DSG3: variants seen among roughly 807,000 people sequenced by gnomAD.
DSG3 encodes desmoglein 3.
In DSG3, 63 loss-of-function variants were observed where a neutral mutation model predicts 85.9. That is an observed-to-expected ratio of 0.73 (90% CI 0.60 to 0.90). The LOEUF is 0.90. Among genes scored for constraint, DSG3 ranks in the 40% least tolerant of loss-of-function variants. DSG3 has a pLI of 0.00. For missense variants in DSG3, 1,220 were observed against 1,219.9 expected (o/e 1.00, Z 0.00); for synonymous variants, 447 against 441.9 (o/e 1.01, Z -0.14).
intron 1 of DSG3, among the ~76,000 whole-genome samples, chr18:31,454,873 C>T (rs1032477483): frequency 6.6e-6 from 1 of 151,872 alleles, no homozygotes; most frequent in Admixed American, 6.6e-5. Context: ...GTGCCCATGC[C>T]TGTAATCCCT....
intron 15 of DSG3, among the ~76,000 whole-genome samples, chr18:31,475,205 C>T (rs1473688905): frequency 6.6e-5 from 10 of 152,156 alleles, no homozygotes; most frequent in Admixed American, 6.5e-4. Flanking sequence ...GGCAGAGAGG[C>T]ACGGTTAGAA....
chr18:31,461,324 T>C lies in DSG3; in HGVS notation c.911T>C (p.Val304Ala), dbSNP rs1409888260. The C allele has an allele frequency of 6.2e-7, 1 of 1,613,610 alleles. No individual in the cohort carries two copies. Among genetic ancestry groups the C allele is most frequent in the East Asian group, 2.2e-5 (1 of 44,792 alleles). The change falls in exon 8 of 16, where the codon GTA becomes GCA. Residue 304 changes from valine to alanine, a missense_variant. Coordinates refer to ENST00000257189, the MANE Select transcript of DSG3 (RefSeq NM_001944.3). ...GAGTACACAGATAATTGGCTTGCAGTATATTTCTTTACCTCTGGGAATGAA... is the reference window on the plus strand; with the variant it reads ...GAGTACACAGATAATTGGCTTGCAGCATATTTCTTTACCTCTGGGAATGAA... ...DEEYTDNWLA[V>A]YFFTSGNEGN...
In DSG3 at chr18:31,478,426, G is replaced by C. The variant is rs778187487; in HGVS notation, c.*2166G>C. ...AATTTTGCTGCATTGTTAAACTGTA[G>C]TGGAAACCATGCTATAGTAATAAAG... is the stretch of plus-strand genomic sequence containing the variant. On this transcript the variant is annotated 3_prime_UTR_variant, in exon 16 of 16. Coordinates refer to ENST00000257189, the MANE Select transcript of DSG3 (RefSeq NM_001944.3). 1 of 152,136 alleles carries C rather than the reference G, an allele frequency of 6.6e-6. No individual in the cohort carries two copies. The highest frequency in any genetic ancestry group is 2.1e-4 in the South Asian group (1 of 4,830). The allele number at this position is 152,136 out of a possible 1,614,324, so 9.4% of individuals were successfully genotyped here.
At chr18:31,458,097 T>C (rs72925129) in intron 3 of DSG3, among the ~76,000 whole-genome samples, 10,563 of 152,240 alleles carry the variant, frequency 0.069, 817 homozygotes, top group African/African-American at 0.2. Flanking sequence ...TAAATATCTT[T>C]TGTTTTTTAA....
chr18:31,467,882 A>G (rs1336687641), intron 11 of DSG3, among the ~76,000 whole-genome samples: 1 of 152,228 alleles, frequency 6.6e-6, no homozygotes, highest in Admixed American at 6.5e-5. Flanking sequence ...CACTTCTGAC[A>G]TAAAGATCTA....
In DSG3 at chr18:31,472,745, G is replaced by C. The variant is rs1480323021; in HGVS notation, c.2058G>C (p.Val686=). 1 of 1,613,954 alleles carries C rather than the reference G, an allele frequency of 6.2e-7. No individual in the cohort carries two copies. The highest frequency in any genetic ancestry group is 8.5e-7 in the Non-Finnish European group (1 of 1,179,938). The change falls in exon 14 of 16, where the codon GTG becomes GTC. Residue 686 remains valine (V), a synonymous_variant. Transcript: ENST00000257189. ...TGCAGGAAATCACAAATATTTGTGT[G>C]CCTCCTGTAACAGCCAATGGAGCCG... ...PEDKEITNIC[V]PPVTANGADF...
chr18:31,466,684 C>T lies in DSG3; in HGVS notation c.1566C>T (p.Gly522=), dbSNP rs764333153. ...GAACACTGAATAATAGATACACTGG[C>T]CCCTATACATTTGCACTGGAAGATC... ...SARTLNNRYT[G]PYTFALEDQP... Residue 522 remains glycine (G), a synonymous_variant, in exon 11 of 16, where the codon GGC becomes GGT. Transcript: ENST00000257189. 6.2e-7 allele frequency: 1 copy of T among 1,614,194 alleles called. No homozygotes were observed. Among genetic ancestry groups the T allele is most frequent in the Non-Finnish European group, 8.5e-7 (1 of 1,180,034 alleles).
chr18:31,456,431 T>C lies in DSG3; in HGVS notation c.49-9T>C. 1 of 1,352,902 alleles carries C rather than the reference T, an allele frequency of 7.4e-7. No individual in the cohort carries two copies. The allele number at this position is 1,352,902 out of a possible 1,614,324, so 83.8% of individuals were successfully genotyped here. A position where few individuals can be genotyped will look rare whatever the true frequency, so the allele number is the denominator to read the frequency against. On this transcript the variant is annotated splice_polypyrimidine_tract_variant and intron_variant, in intron 1 of 15. Coordinates refer to ENST00000257189, the MANE Select transcript of DSG3 (RefSeq NM_001944.3). ...CACATTTAATTCGACTTTATTTAAA[T>C]GTCTGCAGGTGGTCATATTGGTTCA...
At chr18:31,459,647 T>C (rs897185391) in intron 5 of DSG3, among the ~76,000 whole-genome samples, 198 bp from the exon 6 acceptor site, 7 of 152,168 alleles carry the variant, frequency 4.6e-5, no homozygotes, top group African/African-American at 1.4e-4. Context: ...TCGAAGAGTT[T>C]GTATGGAAGG....
Position 31,465,312 on chromosome 18 carries a change from A to T in DSG3, c.1272-6A>T. The T allele has an allele frequency of 7.2e-7, 1 of 1,395,378 alleles. No individual in the cohort carries two copies. Among genetic ancestry groups the T allele is most frequent in the Non-Finnish European group, 9.4e-7 (1 of 1,066,142 alleles). The allele number at this position is 1,395,378 out of a possible 1,614,324, so 86.4% of individuals were successfully genotyped here. A position where few individuals can be genotyped will look rare whatever the true frequency, so the allele number is the denominator to read the frequency against. On this transcript the variant is annotated splice_polypyrimidine_tract_variant and splice_region_variant and intron_variant, in intron 9 of 15. Transcript: ENST00000257189. ...GAAAACTGATTTTTTTAATATTATGAAACAGATATGTCATGGGACGTAACG... is the reference window on the plus strand; with the variant it reads ...GAAAACTGATTTTTTTAATATTATGTAACAGATATGTCATGGGACGTAACG...
chr18:31,450,500 G>GT (rs1409627532), intron 1 of DSG3, among the ~76,000 whole-genome samples: 2 of 152,204 alleles, frequency 1.3e-5, no homozygotes, highest in Non-Finnish European at 2.9e-5. Flanking sequence ...GAAAAGCAAT[G>GT]TTTTCTAAAG....
intron 1 of DSG3, among the ~76,000 whole-genome samples, chr18:31,451,718 T>A (rs1446949295): frequency 2.0e-5 from 3 of 152,238 alleles, no homozygotes; most frequent in Admixed American, 6.5e-5. Context: ...CTTCCAGCCC[T>A]GCCTACTTGG....
At chr18:31,467,653 C>G (rs1447674663) in intron 11 of DSG3, among the ~76,000 whole-genome samples, 2 of 152,210 alleles carry the variant, frequency 1.3e-5, no homozygotes, top group Non-Finnish European at 2.9e-5. Context: ...AGACATTAGA[C>G]TCCCTAAAAT....
intron 7 of DSG3, 110 bp from the exon 8 acceptor site, chr18:31,461,117 G>T (rs1387770018): frequency 3.2e-6 from 4 of 1,242,190 alleles, no homozygotes; most frequent in Non-Finnish European, 4.4e-6. Context: ...TCAGTAATAA[G>T]AAGAAGGAAA....
intron 4 of DSG3, 151 bp downstream of exon 4, chr18:31,458,751 C>T (rs2072765157): frequency 1.7e-5 from 17 of 973,942 alleles, no homozygotes; most frequent in East Asian, 2.6e-5. Flanking sequence ...CACAGAGCCT[C>T]GCCTGAGGGA....
chr18:31,469,293 G>C lies in DSG3; in HGVS notation c.1841G>C (p.Gly614Ala). The C allele has an allele frequency of 1.2e-6, 2 of 1,613,880 alleles. No individual in the cohort carries two copies. The highest frequency in any genetic ancestry group is 1.7e-6 in the Non-Finnish European group (2 of 1,180,020). ...ACCAGGTATGGCAGGCCGCACTCAGGGAGGCTGGGGCCTGCCGCCATCGGC... is the reference window on the plus strand; with the variant it reads ...ACCAGGTATGGCAGGCCGCACTCAGCGAGGCTGGGGCCTGCCGCCATCGGC... ...PGTRYGRPHS[G>A]RLGPAAIGLL... The change falls in exon 12 of 16, where the codon GGG (glycine) becomes GCG (alanine). Residue 614 changes from glycine to alanine, a missense_variant. Transcript: ENST00000257189.
chr18:31,451,008 A>G (rs1201348847), intron 1 of DSG3, among the ~76,000 whole-genome samples: 1 of 152,182 alleles, frequency 6.6e-6, no homozygotes. Flanking sequence ...CAATTTTTAA[A>G]TTGACAGGAA....
intron 7 of DSG3, 78 bp downstream of exon 7, chr18:31,461,039 T>G (rs2072781881): frequency 7.1e-7 from 1 of 1,417,394 alleles, no homozygotes; most frequent in African/African-American, 1.5e-5. Flanking sequence ...CTTGCCTGTT[T>G]GTTGGCTTTT....
chr18:31,455,623 G>A (rs2072737705), intron 1 of DSG3, among the ~76,000 whole-genome samples: 2 of 152,190 alleles, frequency 1.3e-5, no homozygotes, highest in South Asian at 2.1e-4. Context: ...CTGGAAGGAT[G>A]AGCAATATTT....
Sources: allele counts gnomAD v4.1 joint callset (sites outside exome capture counted in the v4.1 genomes callset), GRCh38; gene constraint gnomAD v4.1.1; transcripts MANE v1.5; gene names NCBI Gene and HGNC (gene_info 2026-07-23, HGNC 2026-07-21).